Variants in SLC16A3 observed in about 807,000 individuals in gnomAD.
SLC16A3 encodes solute carrier family 16 member 3, also known as monocarboxylate transporter 4.
A neutral mutation model predicts 25.0 loss-of-function variants in SLC16A3; 22 were observed. That is an observed-to-expected ratio of 0.88 (90% CI 0.63 to 1.26). The LOEUF (loss-of-function observed/expected upper bound fraction) is 1.26. Among genes scored for constraint, SLC16A3 ranks in the 50% most tolerant of loss-of-function variants. SLC16A3 has a pLI of 0.00. For missense variants in SLC16A3, 731 were observed against 666.6 expected, an observed-to-expected ratio of 1.10 and a Z score of -1.06; for synonymous variants, 390 against 309.2, an observed-to-expected ratio of 1.26 and a Z score of -2.74.
chr17:82,238,426 C>T (rs533976250), intron 4 of SLC16A3, among the ~76,000 whole-genome samples: 18 of 152,286 alleles, frequency 1.2e-4, no homozygotes, highest in African/African-American at 3.6e-4. Context: ...AGGGGGACTC[C>T]GTGGGGACCA....
chr17:82,222,416 C>T (rs958028384), intron 1 of SLC16A3, among the ~76,000 whole-genome samples: 1 of 152,228 alleles, frequency 6.6e-6, no homozygotes, highest in Non-Finnish European at 1.5e-5. Context: ...TTCACAACAG[C>T]CAAAAGGTGG....
In SLC16A3 at chr17:82,238,777, T is replaced by G. The variant is rs1382422107; in HGVS notation, c.1199T>G (p.Leu400Arg). ...LAGAEVLTSS[L>R]ILLLGNFFCI... Reference sequence around the variant, plus strand: ...GGGGCCGAGGTGCTCACCTCCTCCCTGATTTTGCTGCTGGGCAACTTCTTC... The same window carrying G: ...GGGGCCGAGGTGCTCACCTCCTCCCGGATTTTGCTGCTGGGCAACTTCTTC... Residue 400 changes from leucine to arginine, a missense_variant, in exon 5 of 5, where the codon CTG becomes CGG. Physicochemically the swap from Leu to Arg is moderately radical, Grantham distance 102. Transcript: ENST00000582743. The G allele has an allele frequency of 1.2e-6, 2 of 1,612,778 alleles. No homozygotes were observed. Among genetic ancestry groups the G allele is most frequent in the Admixed American group, 1.7e-5 (1 of 60,010 alleles).
rs566486862 is a variant in SLC16A3, at chr17:82,238,402, C to T, written c.1124-300C>T. On this transcript the variant is annotated intron_variant, in intron 4 of 4. Transcript: ENST00000582743. ...AACACAGTAGGGCTTCTGGGGCTGC[C>T]GACTGGAAGCCTCAGGGGGACTCCG... Among the ~76,000 whole-genome samples, 8 of 152,242 alleles carry T rather than the reference C, an allele frequency of 5.3e-5. No individual in the cohort carries two copies. The South Asian group carries it at 1.5e-3, about 28-fold the overall frequency.
At chr17:82,222,456 G>A (rs1351338428) in intron 1 of SLC16A3, among the ~76,000 whole-genome samples, 1 of 152,252 alleles carries the variant, frequency 6.6e-6, no homozygotes, top group Non-Finnish European at 1.5e-5. Flanking sequence ...CAACAGATGA[G>A]TGAAGAAACG....
chr17:82,218,556 T>C (rs2050370234), intron 1 of SLC16A3, among the ~76,000 whole-genome samples: 1 of 152,134 alleles, frequency 6.6e-6, no homozygotes, highest in African/African-American at 2.4e-5. Flanking sequence ...CACAGAGCCC[T>C]GAAGGAGCCA....
intron 1 of SLC16A3, among the ~76,000 whole-genome samples, chr17:82,222,070 C>T (rs2050392091): frequency 6.6e-6 from 1 of 151,782 alleles, no homozygotes; most frequent in African/African-American, 2.4e-5. Context: ...ACAGGAGCCT[C>T]GCCCTGGGAC....
chr17:82,237,338 T>G lies in SLC16A3; in HGVS notation c.568T>G (p.Cys190Gly). Residue 190 changes from cysteine to glycine, a missense_variant, in exon 4 of 5, where the codon TGC (cysteine) becomes GGC (glycine). Transcript: ENST00000582743. ...CATCCTGGGCGGCCTGCTGCTCAAC[T>G]GCTGCGTGTGTGCCGCACTCATGAG... ...FLILGGLLLN[C>G]CVCAALMRPL... 2 of 1,541,006 alleles carry G rather than the reference T, an allele frequency of 1.3e-6. No individual in the cohort carries two copies. The highest frequency in any genetic ancestry group is 1.8e-6 in the Non-Finnish European group (2 of 1,142,038).
rs1365482775 is a variant in SLC16A3 at position 82,231,010 on chromosome 17, G to C, written c.-27+1904G>C. 1.1e-4 allele frequency: 16 copies of C among 152,208 alleles called. 1 individual carries two copies. The highest frequency in any genetic ancestry group is 1.0e-3 in the Admixed American group (16 of 15,286). The allele number at this position is 152,208 out of a possible 1,614,324, so 9.4% of individuals were successfully genotyped here. A position where few individuals can be genotyped will look rare whatever the true frequency, so the allele number is the denominator to read the frequency against. ...TGTGGCTTCGAGGCCCCGACGCCTG[G>C]CGCGGCTCCCGGGCTCCGCTGACCC... On this transcript the variant is annotated intron_variant, in intron 1 of 4. Transcript: ENST00000582743.
At position 82,236,471 on chromosome 17, in the gene SLC16A3, T is replaced by G. The variant is rs1287400647; in HGVS notation, c.223+240T>G. 4.8e-6 allele frequency: 3 copies of G among 628,170 alleles called. No individual in the cohort carries two copies. The Admixed American group carries it at 8.8e-5, about 18-fold the overall frequency. 38.9% of individuals were successfully genotyped at this position (628,170 alleles called of 1,614,324 possible). On this transcript the variant is annotated intron_variant, in intron 2 of 4. Coordinates refer to ENST00000582743, the MANE Select transcript of SLC16A3 (RefSeq NM_004207.4). ...GGGTCGGCTGTATTTATAGACCGTC[T>G]CAGAGGACAGGCTCCTGAGAGCCGT...
chr17:82,231,343 C>T (rs1277804668), intron 1 of SLC16A3: 6 of 152,278 alleles, frequency 3.9e-5, no homozygotes, highest in African/African-American at 7.2e-5. Flanking sequence ...TTTGGGTTCC[C>T]CCCTTCGCCC....
At position 82,238,184 on chromosome 17, in the gene SLC16A3, G is replaced by A. The variant is rs911315563; in HGVS notation, c.1123+291G>A. Among the ~76,000 whole-genome samples the A allele has an allele frequency of 6.6e-5, 10 of 152,368 alleles. No homozygotes were observed. The East Asian group carries it at 1.2e-3, about 18-fold the overall frequency. The stretch of plus-strand genomic sequence containing the variant: ...GCCTGGGCACCACGCGGCAGCTCCA[G>A]GCAACCCAACAGCCGGCTTTTGCAT... On this transcript the variant is annotated intron_variant, in intron 4 of 4. Coordinates refer to ENST00000582743, the MANE Select transcript of SLC16A3 (RefSeq NM_004207.4).
At chr17:82,230,592 T>TA (rs2050477689) in intron 1 of SLC16A3, 1 of 152,430 alleles carries the variant, frequency 6.6e-6, no homozygotes, top group African/African-American at 2.4e-5. Context: ...CAGTGACCCT[T>TA]ATGCCAGGCT....
At chr17:82,237,943 A>T in intron 4 of SLC16A3, 50 bp downstream of exon 4, 1 of 1,570,856 alleles carries the variant, frequency 6.4e-7, no homozygotes, top group East Asian at 2.2e-5. Context: ...TTCCCGTCAG[A>T]CGCCCGCTTT....
At chr17:82,230,944 C>T (rs1327764126) in intron 1 of SLC16A3, 2 of 152,256 alleles carry the variant, frequency 1.3e-5, no homozygotes, top group Admixed American at 6.5e-5. Flanking sequence ...GAGCCGCGCC[C>T]ACTGGTCCCA....
rs775063478 is a variant in SLC16A3, at chr17:82,237,173, A to G, written c.403A>G (p.Ile135Val). The change falls in exon 4 of 5, where the codon ATC (isoleucine) becomes GTC (valine). Residue 135 changes from isoleucine (I) to valine (V), a missense_variant. Ile to Val is a conservative substitution (Grantham distance 29). Transcript: ENST00000582743. ...GGCACTCAACTTCCAGCCCTCGCTCATCATGCTGAACCGCTACTTCAGCAA... is the reference window on the plus strand; with the variant it reads ...GGCACTCAACTTCCAGCCCTCGCTCGTCATGCTGAACCGCTACTTCAGCAA... ...GLALNFQPSL[I>V]MLNRYFSKRR... 19 of 1,516,842 alleles carry G rather than the reference A, an allele frequency of 1.3e-5. 2 individuals carry two copies. Among genetic ancestry groups the G allele is most frequent in the Middle Eastern group, 1.7e-4 (1 of 5,768 alleles). The allele number at this position is 1,516,842 out of a possible 1,614,324, so 94.0% of individuals were successfully genotyped here.
chr17:82,228,532 C>G (rs1004642554), upstream of SLC16A3: 4 of 152,384 alleles, frequency 2.6e-5, no homozygotes, highest in African/African-American at 9.6e-5. Flanking sequence ...AAGCGGAGGT[C>G]TGAAGGGGGA....
chr17:82,237,198 A>G lies in SLC16A3; in HGVS notation c.428A>G (p.Lys143Arg), dbSNP rs750352789. ...ATCATGCTGAACCGCTACTTCAGCA[A>G]GCGGCGCCCCATGGCCAACGGGCTG... is the stretch of plus-strand genomic sequence containing the variant. ...SLIMLNRYFS[K>R]RRPMANGLAA... The change falls in exon 4 of 5, where the codon AAG (lysine) becomes AGG (arginine). Residue 143 changes from lysine to arginine, a missense_variant. Coordinates refer to ENST00000582743, the MANE Select transcript of SLC16A3 (RefSeq NM_004207.4). The G allele has an allele frequency of 6.5e-7, 1 of 1,532,676 alleles. No homozygotes were observed. The highest frequency in any genetic ancestry group is 8.8e-7 in the Non-Finnish European group (1 of 1,140,208). 94.9% of individuals were successfully genotyped at this position (1,532,676 alleles called of 1,614,324 possible).
At position 82,236,795 on chromosome 17, in the gene SLC16A3, T is replaced by C. The variant is rs777934004; in HGVS notation, c.290T>C (p.Phe97Ser). 2.1e-5 allele frequency: 33 copies of C among 1,608,772 alleles called. No individual in the cohort carries two copies. The highest frequency in any genetic ancestry group is 3.3e-4 in the Middle Eastern group (2 of 6,078). The change falls in exon 3 of 5, where the codon TTT becomes TCT. Residue 97 changes from phenylalanine to serine, a missense_variant. Physicochemically the swap from Phe to Ser is radical, Grantham distance 155. Coordinates refer to ENST00000582743, the MANE Select transcript of SLC16A3 (RefSeq NM_004207.4). ...CRPVMLVGGLFASLGMVAASF... is the reference protein window; with the variant it reads ...CRPVMLVGGLSASLGMVAASF... ...CCCGTCATGCTTGTGGGGGGTCTCTTTGCGTCGCTGGGCATGGTGGCTGCG... is the reference window on the plus strand; with the variant it reads ...CCCGTCATGCTTGTGGGGGGTCTCTCTGCGTCGCTGGGCATGGTGGCTGCG...
intron 1 of SLC16A3, among the ~76,000 whole-genome samples, chr17:82,222,208 C>T (rs868053241): frequency 3.3e-5 from 3 of 92,258 alleles, no homozygotes; most frequent in African/African-American, 1.5e-4. Flanking sequence ...TGGAGACGAG[C>T]GTCGCCCTGG....
Sources: gnomAD v4.1 joint callset for allele counts (sites outside exome capture counted in the v4.1 genomes callset) on GRCh38, gnomAD v4.1.1 for gene constraint, MANE v1.5 for transcripts, NCBI Gene and HGNC (gene_info 2026-07-23, HGNC 2026-07-21) for gene names.